PIAS1: variants seen among roughly 807,000 people sequenced by gnomAD.
The protein encoded by PIAS1 is E3 SUMO-protein ligase PIAS1.
In PIAS1, 6 loss-of-function variants were observed where a neutral mutation model predicts 71.3. That is an observed-to-expected ratio of 0.08 (90% CI 0.05 to 0.17). PIAS1 has a LOEUF of 0.17. PIAS1 is among the 10% of genes least tolerant of loss of function. PIAS1 has a pLI of 1.00. For missense variants in PIAS1, 555 were observed against 793.6 expected (o/e 0.70, Z 3.61); for synonymous variants, 303 against 292.9 (o/e 1.03, Z -0.35).
intron 10 of PIAS1, 28 bp from the exon 11 acceptor site, chr15:68,176,446 G>A (rs1421817183): frequency 6.7e-7 from 1 of 1,487,138 alleles, no homozygotes; most frequent in East Asian, 2.3e-5. Flanking sequence ...CTCTTCCCTT[G>A]CCTTGTATTT....
At chr15:68,075,445 T>C (rs2092151936) in intron 1 of PIAS1, among the ~76,000 whole-genome samples, 1 of 152,200 alleles carries the variant, frequency 6.6e-6, no homozygotes, top group Non-Finnish European at 1.5e-5. Flanking sequence ...TTACTTTAAA[T>C]CATAAAACTT....
chr15:68,080,092 A>G (rs564560007), intron 1 of PIAS1, among the ~76,000 whole-genome samples: 1 of 152,142 alleles, frequency 6.6e-6, no homozygotes, highest in South Asian at 2.1e-4. Context: ...TCAGCCTCCT[A>G]AAGTGCTGGG....
At chr15:68,099,962 T>C (rs987510363) in intron 2 of PIAS1, among the ~76,000 whole-genome samples, 3 of 152,164 alleles carry the variant, frequency 2.0e-5, no homozygotes, top group African/African-American at 7.2e-5. Context: ...TGCATATTTT[T>C]CTCATTCTTT....
chr15:68,123,960 A>G (rs1357904524), intron 2 of PIAS1, among the ~76,000 whole-genome samples: 1 of 121,138 alleles, frequency 8.3e-6, no homozygotes, highest in Admixed American at 9.4e-5. Context: ...AAATATAGGT[A>G]TATGTATACA....
chr15:68,105,292 ACTTTTAGATAAGTAAATCAG>A (rs1352382747), intron 2 of PIAS1, among the ~76,000 whole-genome samples: 1 of 152,202 alleles, frequency 6.6e-6, no homozygotes, highest in East Asian at 1.9e-4. Context: ...TATCTAGGTT[ACTTTTAGATAAGTAAATCAG>A]GCCATTTGTT....
rs528392435 is a variant in PIAS1 at position 68,150,903 on chromosome 15, T to C, written c.829-2687T>C. On this transcript the variant is annotated intron_variant, in intron 6 of 13. Transcript: ENST00000249636. Reference sequence around the variant, plus strand: ...AAAAATTCAGAGTCCAAAATACTTATAGTCCCAAGCATTTCGGATCAGGGA... The same window carrying C: ...AAAAATTCAGAGTCCAAAATACTTACAGTCCCAAGCATTTCGGATCAGGGA... 3.3e-5 allele frequency among the ~76,000 whole-genome samples: 5 copies of C among 152,242 alleles called. No individual in the cohort carries two copies. The East Asian group carries it at 5.8e-4, about 18-fold the overall frequency.
intron 1 of PIAS1, among the ~76,000 whole-genome samples, chr15:68,081,478 A>G (rs1047516518): frequency 3.3e-5 from 5 of 152,210 alleles, no homozygotes; most frequent in Admixed American, 1.3e-4. Flanking sequence ...TCTCTCATTT[A>G]AGGAAAGCTT....
At chr15:68,154,148 C>A (rs1449164766) in intron 7 of PIAS1, among the ~76,000 whole-genome samples, 2 of 152,142 alleles carry the variant, frequency 1.3e-5, no homozygotes, top group Admixed American at 1.3e-4. Flanking sequence ...AGTAACGCTG[C>A]TCCTGAGTTT....
intron 11 of PIAS1, among the ~76,000 whole-genome samples, chr15:68,180,108 T>C (rs1349827252): frequency 1.3e-5 from 2 of 152,174 alleles, no homozygotes; most frequent in African/African-American, 4.8e-5. Flanking sequence ...GTTTTTGTTT[T>C]TGTTTTGTTT....
At chr15:68,104,226 A>G (rs1340486164) in intron 2 of PIAS1, among the ~76,000 whole-genome samples, 1 of 151,686 alleles carries the variant, frequency 6.6e-6, no homozygotes, top group Admixed American at 6.6e-5. Context: ...AATTTAACTT[A>G]CTCTCATTTT....
At chr15:68,071,583 A>G (rs2092097554) in intron 1 of PIAS1, among the ~76,000 whole-genome samples, 2 of 151,998 alleles carry the variant, frequency 1.3e-5, no homozygotes, top group African/African-American at 4.8e-5. Context: ...ACAAATAACC[A>G]TGTAAATCTA....
At chr15:68,138,301 G>C (rs191166162) in intron 2 of PIAS1, among the ~76,000 whole-genome samples, 1 of 152,090 alleles carries the variant, frequency 6.6e-6, no homozygotes, top group Non-Finnish European at 1.5e-5. Flanking sequence ...GGTGCCTCTT[G>C]AACTGCTTGA....
At chr15:68,121,815 C>G (rs1253075748) in intron 2 of PIAS1, among the ~76,000 whole-genome samples, 1 of 152,028 alleles carries the variant, frequency 6.6e-6, no homozygotes, top group East Asian at 1.9e-4. Flanking sequence ...ATGAATAGAC[C>G]TGGAGGACAG....
chr15:68,085,273 T>C (rs904758248), intron 1 of PIAS1, among the ~76,000 whole-genome samples: 1 of 152,218 alleles, frequency 6.6e-6, no homozygotes, highest in African/African-American at 2.4e-5. Context: ...ATTCTGCTAA[T>C]AGCTGTGTGA....
intron 2 of PIAS1, among the ~76,000 whole-genome samples, chr15:68,109,062 A>T (rs2092499058): frequency 6.6e-6 from 1 of 152,200 alleles, no homozygotes; most frequent in Non-Finnish European, 1.5e-5. Flanking sequence ...TGATATCATC[A>T]TCTATAACTA....
chr15:68,140,527 G>C (rs191668873), intron 2 of PIAS1, among the ~76,000 whole-genome samples: 1 of 152,216 alleles, frequency 6.6e-6, no homozygotes, highest in Admixed American at 6.5e-5. Context: ...ACTGCTCCTT[G>C]GTGATAGATT....
Position 68,141,881 on chromosome 15 carries a change from T to G in PIAS1, c.470-65T>G. The stretch of plus-strand genomic sequence containing the variant: ...TAATTAAAGACATGTGTGTTTTTTT[T>G]TTTTGCTTTTGTCTTTACTGGCGAA... On this transcript the variant is annotated intron_variant, in intron 2 of 13. Coordinates refer to ENST00000249636, the MANE Select transcript of PIAS1 (RefSeq NM_016166.3). 4 of 963,852 alleles carry G rather than the reference T, an allele frequency of 4.2e-6. No individual in the cohort carries two copies. The South Asian group carries it at 5.8e-5, about 14-fold the overall frequency. 59.7% of individuals were successfully genotyped at this position (963,852 alleles called of 1,614,324 possible).
At position 68,174,365 on chromosome 15, in the gene PIAS1, A is replaced by G. The variant is rs149319685; in HGVS notation, c.1169+473A>G. On this transcript the variant is annotated intron_variant, in intron 9 of 13. Transcript: ENST00000249636. This position sits in a 1 kb window ranked among gnomAD's most constrained non-coding sequence, Gnocchi z 4.0. Reference sequence around the variant, plus strand: ...TTTTTCTTTTTTGTCTTGCCCACCTATAGCATCACAAAACCAATTATTGCT... The same window carrying G: ...TTTTTCTTTTTTGTCTTGCCCACCTGTAGCATCACAAAACCAATTATTGCT... 1.3e-5 allele frequency among the ~76,000 whole-genome samples: 2 copies of G among 152,304 alleles called. No homozygotes were observed. The highest frequency in any genetic ancestry group is 4.8e-5 in the African/African-American group (2 of 41,560).
chr15:68,146,088 G>C lies in PIAS1; in HGVS notation c.693+182G>C, dbSNP rs117276202. On this transcript the variant is annotated intron_variant, in intron 5 of 13. Coordinates refer to ENST00000249636, the MANE Select transcript of PIAS1 (RefSeq NM_016166.3). ...AGTTAGCAGCAGTGACATTAGCTTT[G>C]GGGACATAGGATTTGGAGTTGGGTA... Among the ~76,000 whole-genome samples, 931 of 152,280 alleles carry C rather than the reference G, an allele frequency of 6.1e-3. 4 individuals carry two copies. Among genetic ancestry groups the C allele is most frequent in the East Asian group, 0.032 (168 of 5,192 alleles).
Sources: gnomAD v4.1 joint callset for allele counts (sites outside exome capture counted in the v4.1 genomes callset) on GRCh38, gnomAD v4.1.1 for gene constraint, Gnocchi (gnomAD v3.1) non-coding constraint, MANE v1.5 for transcripts, NCBI Gene and HGNC (gene_info 2026-07-23, HGNC 2026-07-21) for gene names.